The following UBR4 variants were observed in gnomAD, a reference collection of about 807,000 sequenced individuals.
UBR4 encodes the protein E3 ubiquitin-protein ligase UBR4.
Under a neutral mutation model 575.6 loss-of-function variants are expected in UBR4, and 124 were observed. The ratio of observed to expected loss-of-function variants is 0.22; its 90% CI spans 0.19 to 0.25. The LOEUF is 0.25. Among genes scored for constraint, UBR4 ranks in the 10% least tolerant of loss-of-function variants. The pLI is 1.00. For missense variants in UBR4, 4,818 were observed against 6,478.8 expected, an observed-to-expected ratio of 0.74 and a Z score of 8.80; for synonymous variants, 2,455 against 2,473.7, an observed-to-expected ratio of 0.99 and a Z score of 0.22.
rs1454019253 is a variant in UBR4 at position 19,201,667 on chromosome 1, T to G, written c.274+51A>C. 4.0e-6 allele frequency: 6 copies of G among 1,493,064 alleles called. No individual in the cohort carries two copies. The Admixed American group carries it at 8.7e-5, about 22-fold the overall frequency. 92.5% of individuals were successfully genotyped at this position (1,493,064 alleles called of 1,614,324 possible). Reference sequence around the variant, plus strand: ...GATACACTAACGAGAGGATAAACAATCCCCCTATTCACAAGCCCTCAGAAG... The same window carrying G: ...GATACACTAACGAGAGGATAAACAAGCCCCCTATTCACAAGCCCTCAGAAG... On this transcript the variant is annotated intron_variant, in intron 2 of 105. Coordinates refer to ENST00000375254, the MANE Select transcript of UBR4 (RefSeq NM_020765.3).
chr1:19,101,115 G>T (rs1474985309), intron 88 of UBR4, among the ~76,000 whole-genome samples: 2 of 152,032 alleles, frequency 1.3e-5, no homozygotes, highest in Non-Finnish European at 2.9e-5. Flanking sequence ...TCAGGCTAGG[G>T]AAAAAAACAC....
Position 19,107,114 on chromosome 1 carries a change from T to A in UBR4, c.12106-148A>T, listed in dbSNP as rs1359581056. ...CACGTGTATCTCTTATGCCCAAATATGTGTTCCTGTTAAACCATTTTGATC... is the reference window on the plus strand; with the variant it reads ...CACGTGTATCTCTTATGCCCAAATAAGTGTTCCTGTTAAACCATTTTGATC... On this transcript the variant is annotated intron_variant, in intron 81 of 105. Coordinates refer to ENST00000375254, the MANE Select transcript of UBR4 (RefSeq NM_020765.3). 2.5e-6 allele frequency: 3 copies of A among 1,204,642 alleles called. No homozygotes were observed. The East Asian group carries it at 7.9e-5, about 32-fold the overall frequency. 74.6% of individuals were successfully genotyped at this position (1,204,642 alleles called of 1,614,324 possible). A position where few individuals can be genotyped will look rare whatever the true frequency, so the allele number is the denominator to read the frequency against.
intron 101 of UBR4, 59 bp from the exon 102 acceptor site, chr1:19,084,757 T>C: frequency 6.6e-7 from 1 of 1,522,620 alleles, no homozygotes; most frequent in Non-Finnish European, 8.9e-7. Flanking sequence ...AAACCCAGTT[T>C]GGGAGACAGA....
chr1:19,204,305 C>T (rs2092899835), intron 1 of UBR4, among the ~76,000 whole-genome samples: 1 of 152,070 alleles, frequency 6.6e-6, no homozygotes, highest in African/African-American at 2.4e-5. Context: ...CTGGCCCCAC[C>T]CTTATACTTT....
Position 19,184,170 on chromosome 1 carries a change from T to C in UBR4, c.1944A>G (p.Leu648=). ...AGTTCAAAATGTTGGAAGCCAGACC[T>C]AAGAACTGAAAGGAACACACACAAA... The part of the protein sequence containing the change: ...LASRKDPELF[L]GLASNILNFI... The change falls in exon 16 of 106, where the codon TTA becomes TTG. Residue 648 remains leucine (L), a synonymous_variant. Coordinates refer to ENST00000375254, the MANE Select transcript of UBR4 (RefSeq NM_020765.3). 10 of 1,613,934 alleles carry C rather than the reference T, an allele frequency of 6.2e-6. No homozygotes were observed. Among genetic ancestry groups the C allele is most frequent in the Non-Finnish European group, 8.5e-6 (10 of 1,179,932 alleles).
Position 19,089,727 on chromosome 1 carries a change from G to A in UBR4, c.14212-750C>T, listed in dbSNP as rs180836323. Among the ~76,000 whole-genome samples, 1 of 152,326 alleles carries A rather than the reference G, an allele frequency of 6.6e-6. No homozygotes were observed. Among genetic ancestry groups the A allele is most frequent in the East Asian group, 1.9e-4 (1 of 5,180 alleles). On this transcript the variant is annotated intron_variant, in intron 97 of 105. Coordinates refer to ENST00000375254, the MANE Select transcript of UBR4 (RefSeq NM_020765.3). This position sits in a 1 kb window ranked among gnomAD's most constrained non-coding sequence, Gnocchi z 4.3. ...CTGTCACAAGTGACTTGACAGCAAT[G>A]ATTACATATGAGACAACAGGCTGAA...
intron 50 of UBR4, 117 bp from the exon 51 acceptor site, chr1:19,148,244 T>C (rs2085142213): frequency 1.5e-6 from 2 of 1,331,586 alleles, no homozygotes; most frequent in African/African-American, 1.5e-5. Flanking sequence ...TTATGCTCCA[T>C]GGACTGCAAA....
chr1:19,078,913 C>A (rs2076222645), intron 103 of UBR4: 1 of 152,170 alleles, frequency 6.6e-6, no homozygotes, highest in Non-Finnish European at 1.5e-5. Context: ...CCCCTCGGCA[C>A]AGACAGTGAA....
chr1:19,164,424 A>G lies in UBR4; in HGVS notation c.4529T>C (p.Val1510Ala). The G allele has an allele frequency of 1.9e-6, 3 of 1,613,900 alleles. No individual in the cohort carries two copies. Among genetic ancestry groups the G allele is most frequent in the Non-Finnish European group, 2.5e-6 (3 of 1,179,926 alleles). Reference sequence around the variant, plus strand: ...CAGGGTGCCCAGAAGAACAGCACACACACCTTCCCCAACTTGGCTAGGAGA... The same window carrying G: ...CAGGGTGCCCAGAAGAACAGCACACGCACCTTCCCCAACTTGGCTAGGAGA... ...VRENSQVGEG[V>A]CAVLLGTLTP... Residue 1510 changes from valine to alanine, a missense_variant, in exon 33 of 106, where the codon GTG (valine) becomes GCG (alanine). By Grantham distance (64) the Val-to-Ala change is moderately conservative. Coordinates refer to ENST00000375254, the MANE Select transcript of UBR4 (RefSeq NM_020765.3).
Position 19,174,964 on chromosome 1 carries a change from A to G in UBR4, c.2843T>C (p.Leu948Pro), listed in dbSNP as rs1571460862. The change falls in exon 21 of 106, where the codon CTT becomes CCT. Residue 948 changes from leucine (L) to proline (P), a missense_variant. Leu to Pro is a moderately conservative substitution (Grantham distance 98, BLOSUM62 -3). Around this residue, in one of 29 missense-constraint regions of UBR4, gnomAD observed 1,172 missense variants for 1,259.7 expected, o/e 0.93. Coordinates refer to ENST00000375254, the MANE Select transcript of UBR4 (RefSeq NM_020765.3). ...TAAAATTCCTAGTACCACAGAATCAAGTCGGTTCAAATCATCCTCTGAGGC... is the reference window on the plus strand; with the variant it reads ...TAAAATTCCTAGTACCACAGAATCAGGTCGGTTCAAATCATCCTCTGAGGC... ...PEASEDDLNR[L>P]DSVACDVLFS... is the part of the protein sequence containing the mutation. 1 of 1,613,896 alleles carries G rather than the reference A, an allele frequency of 6.2e-7. No homozygotes were observed. The highest frequency in any genetic ancestry group is 1.1e-5 in the South Asian group (1 of 91,050).
intron 1 of UBR4, among the ~76,000 whole-genome samples, chr1:19,203,321 T>C (rs979180617): frequency 6.6e-6 from 1 of 151,752 alleles, no homozygotes; most frequent in South Asian, 2.1e-4. Context: ...GCCAATATGG[T>C]GAAACCCCGT....
intron 83 of UBR4, 90 bp downstream of exon 83, chr1:19,106,479 G>C (rs2079212219): frequency 7.0e-7 from 1 of 1,434,584 alleles, no homozygotes; most frequent in Non-Finnish European, 9.2e-7. Flanking sequence ...AGAGATGGCA[G>C]TGCAGACACA....
At chr1:19,158,600 G>A (rs1202016850) in intron 39 of UBR4, among the ~76,000 whole-genome samples, 1 of 151,882 alleles carries the variant, frequency 6.6e-6, no homozygotes, top group Non-Finnish European at 1.5e-5. Flanking sequence ...TGAGACCACA[G>A]GCATGCACCA....
At chr1:19,172,835 T>A (rs772077742) in intron 25 of UBR4, 29 bp downstream of exon 25, 3 of 1,592,146 alleles carry the variant, frequency 1.9e-6, no homozygotes, top group Non-Finnish European at 2.6e-6. Flanking sequence ...AGAGTGCATG[T>A]GCATCTCTGG....
chr1:19,176,062 C>T (rs2090219229), intron 20 of UBR4, among the ~76,000 whole-genome samples: 1 of 152,058 alleles, frequency 6.6e-6, no homozygotes, highest in Non-Finnish European at 1.5e-5. Flanking sequence ...GCTGGGATTA[C>T]AGGCATGAGC....
At chr1:19,107,516 C>T (rs1272400145) in intron 81 of UBR4, among the ~76,000 whole-genome samples, 1 of 152,200 alleles carries the variant, frequency 6.6e-6, no homozygotes, top group Non-Finnish European at 1.5e-5. Context: ...CGCGGTGACT[C>T]ACGCCTATAA....
chr1:19,140,801 G>A lies in UBR4; in HGVS notation c.8580C>T (p.Asp2860=), dbSNP rs549661198. 3 of 1,613,214 alleles carry A rather than the reference G, an allele frequency of 1.9e-6. No homozygotes were observed. The East Asian group carries it at 6.7e-5, about 36-fold the overall frequency. ...GTGGACAGTTACCTGATGCTGTGGT[G>A]TCAGAGAGGGTTCCTGCGTCCAGAG... The part of the protein sequence containing the change: ...SSSLDAGTLS[D]TTASAPASDD... The change falls in exon 58 of 106, where the codon GAC becomes GAT. Residue 2860 remains aspartate (D), a synonymous_variant. Coordinates refer to ENST00000375254, the MANE Select transcript of UBR4 (RefSeq NM_020765.3).
intron 41 of UBR4, 24 bp from the exon 42 acceptor site, chr1:19,156,447 A>G (rs1316179351): frequency 6.2e-7 from 1 of 1,607,784 alleles, no homozygotes; most frequent in Non-Finnish European, 8.5e-7. Flanking sequence ...AAGAAACAAA[A>G]TGGTGAAAAG....
chr1:19,197,190 A>C lies in UBR4; in HGVS notation c.969T>G (p.Pro323=), dbSNP rs2092509408. 1.9e-6 allele frequency: 3 copies of C among 1,614,220 alleles called. No individual in the cohort carries two copies. The East Asian group carries it at 6.7e-5, about 36-fold the overall frequency. The change falls in exon 8 of 106, where the codon CCT becomes CCG. Residue 323 remains proline (P), a synonymous_variant. Coordinates refer to ENST00000375254, the MANE Select transcript of UBR4 (RefSeq NM_020765.3). ...GGACTGTCACATCTTGTAGACGAGA[A>C]GGATTGAGAGGTTCCAACACAGGTA... ...LSLPVLEPLN[P]SRLQDVTVLS...
Sources: allele counts gnomAD v4.1 joint callset (sites outside exome capture counted in the v4.1 genomes callset), GRCh38; gene constraint gnomAD v4.1.1; regional missense constraint gnomAD v4.1.1; non-coding constraint Gnocchi (gnomAD v3.1); transcripts MANE v1.5; gene names NCBI Gene and HGNC (gene_info 2026-07-23, HGNC 2026-07-21).